LPCAT1: variants seen among roughly 807,000 people sequenced by gnomAD.
LPCAT1 encodes lysophosphatidylcholine acyltransferase 1, also known as 1-acylglycerol-3-phosphate O-acyltransferase.
In LPCAT1, 23 loss-of-function variants were observed where a neutral mutation model predicts 60.9. The observed-to-expected ratio is 0.38, with a 90% confidence interval of 0.27 to 0.53. The LOEUF is 0.53. Among genes scored for constraint, LPCAT1 ranks in the 20% least tolerant of loss-of-function variants. The pLI is 0.82. For synonymous variants in LPCAT1, 340 were observed against 301.1 expected (o/e 1.13, Z -1.34); for missense variants, 622 against 723.6 (o/e 0.86, Z 1.61).
chr5:1,473,807 C>G, intron 11 of LPCAT1, 150 bp downstream of exon 11: 1 of 898,892 alleles, frequency 1.1e-6, no homozygotes, highest in South Asian at 1.8e-5. Context: ...GGAAATACCT[C>G]AAAATGATAG....
At chr5:1,479,717 G>A (rs754000925) in intron 7 of LPCAT1, 42 bp from the exon 8 acceptor site, 13 of 1,472,716 alleles carry the variant, frequency 8.8e-6, no homozygotes, top group African/African-American at 4.2e-5. Context: ...TTTACAACTC[G>A]GGTTAACAAG....
chr5:1,523,802 TG>T lies in LPCAT1; in HGVS notation c.42del (p.Ser15AlafsTer35). 1 of 1,104,028 alleles carries T rather than the reference TG, an allele frequency of 9.1e-7. No homozygotes were observed. Among genetic ancestry groups the T allele is most frequent in the South Asian group, 3.7e-5 (1 of 27,068 alleles). 68.4% of individuals were successfully genotyped at this position (1,104,028 alleles called of 1,614,324 possible). A position where few individuals can be genotyped will look rare whatever the true frequency, so the allele number is the denominator to read the frequency against. On this transcript the variant is annotated frameshift_variant, in exon 1 of 14. Coordinates refer to ENST00000283415, the MANE Select transcript of LPCAT1 (RefSeq NM_024830.5). LOFTEE classifies it high-confidence loss of function. This position sits in a 1 kb window ranked among gnomAD's most constrained non-coding sequence, Gnocchi z 7.1. ...RGCGPRAAPA[S>X]SAGASDARLL... ...AGCCGAGCGTCGCTGGCCCCTGCGC[TG>T]GAGGCAGGGGCGGCCCGGGGTCCGC...
intron 2 of LPCAT1, among the ~76,000 whole-genome samples, chr5:1,500,828 C>T (rs138492309): frequency 6.6e-6 from 1 of 152,228 alleles, no homozygotes; most frequent in South Asian, 2.1e-4. Context: ...CCCGAGCAGC[C>T]GTTCCCCTCA....
At chr5:1,494,653 C>G (rs778527706) in intron 3 of LPCAT1, 47 bp downstream of exon 3, 5 of 1,558,012 alleles carry the variant, frequency 3.2e-6, no homozygotes, top group Non-Finnish European at 4.4e-6. Flanking sequence ...ATCTCTCACT[C>G]CCAGCAGGGC....
chr5:1,500,007 C>G (rs1041680575), intron 2 of LPCAT1, among the ~76,000 whole-genome samples: 17 of 152,258 alleles, frequency 1.1e-4, no homozygotes, highest in Admixed American at 9.2e-4. Context: ...ATGCTTTAGG[C>G]TCTACAGCCA....
Position 1,496,175 on chromosome 5 carries a change from A to G in LPCAT1, c.279-1261T>C, listed in dbSNP as rs1352439308. On this transcript the variant is annotated intron_variant, in intron 2 of 13. Coordinates refer to ENST00000283415, the MANE Select transcript of LPCAT1 (RefSeq NM_024830.5). This position sits in a 1 kb window ranked among gnomAD's most constrained non-coding sequence, Gnocchi z 4.7. ...CAGGAGCTCAAGACCAGCCTGGCCA[A>G]CATGGTGAAACCCTGTCTCTACTAA... Among the ~76,000 whole-genome samples, 1 of 152,212 alleles carries G rather than the reference A, an allele frequency of 6.6e-6. No homozygotes were observed. Among genetic ancestry groups the G allele is most frequent in the Non-Finnish European group, 1.5e-5 (1 of 68,036 alleles).
chr5:1,464,610 AAACAAGCACACACACGG>A (rs1734251685), intron 13 of LPCAT1, among the ~76,000 whole-genome samples: 1 of 151,242 alleles, frequency 6.6e-6, no homozygotes, highest in Non-Finnish European at 1.5e-5. Flanking sequence ...CACACACACA[AAACAAGCACACACACGG>A]TAACCACACA....
intron 2 of LPCAT1, among the ~76,000 whole-genome samples, chr5:1,497,494 G>A (rs901828647): frequency 9.9e-5 from 15 of 152,254 alleles, no homozygotes; most frequent in African/African-American, 3.1e-4. Context: ...GCTGGCTACG[G>A]TGCCAGGCCG....
At position 1,476,552 on chromosome 5, in the gene LPCAT1, G is replaced by A. The variant is rs551685042; in HGVS notation, c.899+852C>T. Among the ~76,000 whole-genome samples, 20 of 152,120 alleles carry A rather than the reference G, an allele frequency of 1.3e-4. No homozygotes were observed. Among genetic ancestry groups the A allele is most frequent in the Admixed American group, 2.6e-4 (4 of 15,274 alleles). Reference sequence around the variant, plus strand: ...AGAGGCGAGTTCCCAGCCATGCCCCGACCTGCTGCAGCAGGAGCCTGGGGG... The same window carrying A: ...AGAGGCGAGTTCCCAGCCATGCCCCAACCTGCTGCAGCAGGAGCCTGGGGG... On this transcript the variant is annotated intron_variant, in intron 9 of 13. Transcript: ENST00000283415. This position sits in a 1 kb window ranked among gnomAD's most constrained non-coding sequence, Gnocchi z 8.6.
chr5:1,492,194 T>G (rs1201811782), intron 3 of LPCAT1, among the ~76,000 whole-genome samples: 1 of 149,940 alleles, frequency 6.7e-6, no homozygotes, highest in Non-Finnish European at 1.5e-5. Context: ...GTCTCTGAGC[T>G]GGGATGGGGG....
Position 1,494,904 on chromosome 5 carries a change from A to G in LPCAT1, c.289T>C (p.Phe97Leu), listed in dbSNP as rs1204600267. The G allele has an allele frequency of 6.8e-6, 11 of 1,608,436 alleles. No individual in the cohort carries two copies. In the Admixed American group the frequency reaches 1.5e-4, roughly 22 times the overall value. The change falls in exon 3 of 14, where the codon TTC becomes CTC. Residue 97 changes from phenylalanine (F) to leucine (L), a missense_variant. Physicochemically the swap from Phe to Leu is conservative, Grantham distance 22. Around this residue, in one of 3 missense-constraint regions of LPCAT1, gnomAD observed 209 missense variants for 325.5 expected, o/e 0.64. Coordinates refer to ENST00000283415, the MANE Select transcript of LPCAT1 (RefSeq NM_024830.5). ...PPALWRKVVD[F>L]LLKAIMRTMW... ...GTGCGCATGATGGCCTTCAGCAGGAAGTCCACAACCCTGCAAAAGAGGGCG... is the reference window on the plus strand; with the variant it reads ...GTGCGCATGATGGCCTTCAGCAGGAGGTCCACAACCCTGCAAAAGAGGGCG...
intron 1 of LPCAT1, among the ~76,000 whole-genome samples, chr5:1,518,290 GCT>G (rs1171916372): frequency 1.3e-5 from 2 of 152,230 alleles, no homozygotes; most frequent in African/African-American, 4.8e-5. Context: ...ATAAGACAGA[GCT>G]GATGTCTTAC....
Position 1,483,331 on chromosome 5 carries a change from T to A in LPCAT1, c.726+97A>T. 8.0e-7 allele frequency: 1 copy of A among 1,253,398 alleles called. No individual in the cohort carries two copies. The allele number at this position is 1,253,398 out of a possible 1,614,324, so 77.6% of individuals were successfully genotyped here. ...TGTGGGCTGTGGCGCAGATAAAGGGTGTGGAGAGACAGAGACACAGGTGCA... is the reference window on the plus strand; with the variant it reads ...TGTGGGCTGTGGCGCAGATAAAGGGAGTGGAGAGACAGAGACACAGGTGCA... On this transcript the variant is annotated intron_variant, in intron 6 of 13. Coordinates refer to ENST00000283415, the MANE Select transcript of LPCAT1 (RefSeq NM_024830.5). This position sits in a 1 kb window ranked among gnomAD's most constrained non-coding sequence, Gnocchi z 9.2.
chr5:1,465,027 C>T (rs1273271748), intron 13 of LPCAT1, among the ~76,000 whole-genome samples: 1 of 119,626 alleles, frequency 8.4e-6, no homozygotes, highest in African/African-American at 2.8e-5. Context: ...AAAACAAGCG[C>T]AGGCACACTA....
chr5:1,497,935 G>A (rs1450740847), intron 2 of LPCAT1, among the ~76,000 whole-genome samples: 3 of 152,362 alleles, frequency 2.0e-5, no homozygotes, highest in Admixed American at 6.5e-5. Flanking sequence ...AGGATTCAGC[G>A]CCAGATGGTC....
chr5:1,466,790 A>G lies in LPCAT1; in HGVS notation c.1379T>C (p.Phe460Ser), dbSNP rs1734427151. The G allele has an allele frequency of 6.2e-7, 1 of 1,612,986 alleles. No homozygotes were observed. Among genetic ancestry groups the G allele is most frequent in the African/African-American group, 1.3e-5 (1 of 74,996 alleles). ...CTTCTCCTCTTGGTCAATGGCTCGG[A>G]ATAGGTCGGTCACGGTGAGCTCTGC... ...GVAELTVTDL[F>S]RAIDQEEKGK... Residue 460 changes from phenylalanine to serine, a missense_variant, in exon 13 of 14, where the codon TTC becomes TCC. Coordinates refer to ENST00000283415, the MANE Select transcript of LPCAT1 (RefSeq NM_024830.5).
chr5:1,498,405 C>T (rs1228165362), intron 2 of LPCAT1, among the ~76,000 whole-genome samples: 5 of 152,184 alleles, frequency 3.3e-5, no homozygotes, highest in Non-Finnish European at 5.9e-5. Flanking sequence ...ACGCCAGGGG[C>T]TCCAGGGGTG....
intron 5 of LPCAT1, 100 bp downstream of exon 5, chr5:1,488,291 C>A: frequency 1.4e-6 from 1 of 724,568 alleles, no homozygotes. Flanking sequence ...AGGATAAAAA[C>A]AGAAACTGTT....
At chr5:1,490,547 CTT>C (rs1346367572) in intron 3 of LPCAT1, among the ~76,000 whole-genome samples, 1 of 152,208 alleles carries the variant, frequency 6.6e-6, no homozygotes, top group Non-Finnish European at 1.5e-5. Flanking sequence ...GCGGCCAGCA[CTT>C]TGTTCTGGCA....
Sources: allele counts gnomAD v4.1 joint callset (sites outside exome capture counted in the v4.1 genomes callset), GRCh38; gene constraint gnomAD v4.1.1; regional missense constraint gnomAD v4.1.1; non-coding constraint Gnocchi (gnomAD v3.1); transcripts MANE v1.5; gene names NCBI Gene and HGNC (gene_info 2026-07-23, HGNC 2026-07-21).